Variants in TLK1 observed in about 807,000 individuals in gnomAD.
TLK1 encodes the protein serine/threonine-protein kinase tousled-like 1.
TLK1 carries 24 observed loss-of-function variants against 105.3 expected under a neutral mutation model. That is an observed-to-expected ratio of 0.23 (90% CI 0.17 to 0.32). The LOEUF (loss-of-function observed/expected upper bound fraction) is 0.32, where lower values mean the gene tolerates loss of function less well. Among genes scored for constraint, TLK1 ranks in the 10% least tolerant of loss-of-function variants. The pLI is 1.00. For missense variants in TLK1, 558 were observed against 910.5 expected (o/e 0.61, Z 4.98); for synonymous variants, 321 against 310.4 (o/e 1.03, Z -0.36).
chr2:171,016,768 T>G (rs927055876), intron 12 of TLK1, among the ~76,000 whole-genome samples: 3 of 152,202 alleles, frequency 2.0e-5, no homozygotes, highest in African/African-American at 7.2e-5. Flanking sequence ...AAAAAACAAA[T>G]TATATCTCTA....
intron 14 of TLK1, among the ~76,000 whole-genome samples, chr2:171,011,095 C>T (rs1487775496): frequency 1.3e-5 from 2 of 152,080 alleles, no homozygotes; most frequent in Non-Finnish European, 2.9e-5. Context: ...ACCATGAATT[C>T]CTGGACTCTG....
intron 2 of TLK1, among the ~76,000 whole-genome samples, chr2:171,103,017 C>T (rs916931913): frequency 6.6e-6 from 1 of 151,892 alleles, no homozygotes; most frequent in African/African-American, 2.4e-5. Context: ...GAGATAAGGC[C>T]TCTTTGAAGA....
chr2:171,070,581 T>C (rs911736999), intron 3 of TLK1, among the ~76,000 whole-genome samples: 1 of 152,200 alleles, frequency 6.6e-6, no homozygotes, highest in African/African-American at 2.4e-5. Context: ...TCCAGTTCCA[T>C]CCATGTTGTT....
chr2:171,155,575 T>A (rs1353844020), intron 1 of TLK1: 1 of 152,166 alleles, frequency 6.6e-6, no homozygotes, highest in African/African-American at 2.4e-5. Flanking sequence ...TTTTAAAAAA[T>A]CACAGAATGT....
intron 1 of TLK1, among the ~76,000 whole-genome samples, chr2:171,194,760 T>A (rs967066478): frequency 7.2e-6 from 1 of 139,800 alleles, no homozygotes; most frequent in Admixed American, 8.1e-5. Context: ...GAGCTTGCAG[T>A]GAGCCCAGAT....
intron 3 of TLK1, among the ~76,000 whole-genome samples, chr2:171,069,044 T>C (rs1038400873): frequency 2.0e-5 from 3 of 152,234 alleles, no homozygotes; most frequent in Admixed American, 6.5e-5. Flanking sequence ...ATTTATCAGA[T>C]TAAACATTTG....
At chr2:171,046,101 A>G in intron 11 of TLK1, 73 bp downstream of exon 11, 1 of 1,268,316 alleles carries the variant, frequency 7.9e-7, no homozygotes, top group South Asian at 2.1e-5. Context: ...TTAATTATAA[A>G]TAACATCCAT....
intron 11 of TLK1, among the ~76,000 whole-genome samples, chr2:171,039,969 A>G (rs867794272): frequency 6.6e-6 from 1 of 152,160 alleles, no homozygotes. Context: ...AAATAAATAA[A>G]TATGTGGATA....
intron 2 of TLK1, among the ~76,000 whole-genome samples, chr2:171,083,536 T>A (rs930943050): frequency 6.6e-6 from 1 of 152,168 alleles, no homozygotes; most frequent in African/African-American, 2.4e-5. Flanking sequence ...CATCAGTACA[T>A]CAGATCATAG....
intron 3 of TLK1, among the ~76,000 whole-genome samples, chr2:171,075,728 C>A (rs1688471539): frequency 6.6e-6 from 1 of 152,032 alleles, no homozygotes; most frequent in Non-Finnish European, 1.5e-5. Flanking sequence ...CCTAGGGCAT[C>A]CAAAACGAGA....
At chr2:171,185,308 C>T (rs1362440303) in intron 1 of TLK1, among the ~76,000 whole-genome samples, 2 of 152,166 alleles carry the variant, frequency 1.3e-5, no homozygotes, top group Non-Finnish European at 2.9e-5. Flanking sequence ...TCATTTTCCA[C>T]TCTGTTTCTA....
At chr2:171,153,609 T>A (rs1369159033) in intron 1 of TLK1, among the ~76,000 whole-genome samples, 1 of 152,100 alleles carries the variant, frequency 6.6e-6, no homozygotes, top group Non-Finnish European at 1.5e-5. Context: ...AAAACTATAA[T>A]AAAAGTAGCA....
chr2:171,080,102 C>G (rs943420053), intron 3 of TLK1, among the ~76,000 whole-genome samples: 11 of 148,566 alleles, frequency 7.4e-5, no homozygotes, highest in Non-Finnish European at 1.6e-4. Context: ...GAGGTTGAGG[C>G]AGGAAAATTG....
intron 2 of TLK1, among the ~76,000 whole-genome samples, chr2:171,091,049 T>C (rs1419444910): frequency 6.6e-6 from 1 of 152,192 alleles, no homozygotes; most frequent in African/African-American, 2.4e-5. Flanking sequence ...CAGCAAACTA[T>C]GGCCCTCTGC....
At chr2:171,120,019 G>A (rs1027912104) in intron 1 of TLK1, among the ~76,000 whole-genome samples, 9 of 152,004 alleles carry the variant, frequency 5.9e-5, no homozygotes, top group South Asian at 4.1e-4. Context: ...GGCCAAGGCC[G>A]GCAGATCACT....
At chr2:171,177,345 A>G (rs1255036638) in intron 1 of TLK1, among the ~76,000 whole-genome samples, 4 of 138,762 alleles carry the variant, frequency 2.9e-5, no homozygotes, top group African/African-American at 1.1e-4. Flanking sequence ...TTTTTGCCAC[A>G]TTGGCCAGGC....
intron 11 of TLK1, among the ~76,000 whole-genome samples, chr2:171,041,122 G>T (rs1478845472): frequency 6.6e-6 from 1 of 152,108 alleles, no homozygotes; most frequent in African/African-American, 2.4e-5. Flanking sequence ...TTTATCTAGA[G>T]ATAGTATTAA....
At chr2:171,039,001 C>T (rs973459236) in intron 11 of TLK1, among the ~76,000 whole-genome samples, 12 of 151,980 alleles carry the variant, frequency 7.9e-5, no homozygotes, top group African/African-American at 1.9e-4. Context: ...GCCATGTTAT[C>T]ATATTTATAT....
chr2:171,181,217 A>C (rs1282692512), intron 1 of TLK1, among the ~76,000 whole-genome samples: 1 of 152,188 alleles, frequency 6.6e-6, no homozygotes, highest in Non-Finnish European at 1.5e-5. Context: ...AGACCCCAAA[A>C]TTGTCACACT....
Sources: gnomAD v4.1 joint callset for allele counts (sites outside exome capture counted in the v4.1 genomes callset) on GRCh38, gnomAD v4.1.1 for gene constraint, MANE v1.5 for transcripts, NCBI Gene and HGNC (gene_info 2026-07-23, HGNC 2026-07-21) for gene names.